CERS6: variants seen among roughly 807,000 people sequenced by gnomAD.
CERS6 encodes the protein LAG1 homolog, ceramide synthase 6.
Under a neutral mutation model 56.8 loss-of-function variants are expected in CERS6, and 26 were observed. That is an observed-to-expected ratio of 0.46 (90% CI 0.34 to 0.63). CERS6 has a LOEUF of 0.63. CERS6 is among the 30% of genes least tolerant of loss of function. CERS6 has a pLI of 0.01. For synonymous variants in CERS6, 164 were observed against 173.3 expected, an observed-to-expected ratio of 0.95 and a Z score of 0.42; for missense variants, 415 against 467.5, an observed-to-expected ratio of 0.89 and a Z score of 1.04.
At chr2:168,665,561 C>G (rs1685736917) in intron 4 of CERS6, among the ~76,000 whole-genome samples, 1 of 152,134 alleles carries the variant, frequency 6.6e-6, no homozygotes, top group East Asian at 1.9e-4. Flanking sequence ...AACCTAATCT[C>G]CCCCTTAACC....
intron 1 of CERS6, among the ~76,000 whole-genome samples, chr2:168,512,657 C>G (rs915609852): frequency 6.8e-6 from 1 of 147,606 alleles, no homozygotes; most frequent in African/African-American, 2.5e-5. Flanking sequence ...TTTTCTACAG[C>G]TATTTTCTTT....
intron 1 of CERS6, among the ~76,000 whole-genome samples, chr2:168,541,182 A>T (rs1695361763): frequency 6.6e-6 from 1 of 152,174 alleles, no homozygotes; most frequent in Non-Finnish European, 1.5e-5. Context: ...CCTGAGGGAC[A>T]GCGTCAATCC....
chr2:168,658,560 C>G (rs73026542), intron 4 of CERS6, among the ~76,000 whole-genome samples: 4,762 of 152,290 alleles, frequency 0.031, 89 homozygotes, highest in South Asian at 0.062. Context: ...TCATCCCCAG[C>G]GTCAGGCGTG....
chr2:168,753,932 G>A (rs1328117223), intron 8 of CERS6, among the ~76,000 whole-genome samples: 1 of 152,018 alleles, frequency 6.6e-6, no homozygotes, highest in Non-Finnish European at 1.5e-5. Flanking sequence ...TGCCGCCCAC[G>A]CCATGCCCAA....
At chr2:168,619,690 A>G (rs1684413602) in intron 3 of CERS6, among the ~76,000 whole-genome samples, 1 of 151,992 alleles carries the variant, frequency 6.6e-6, no homozygotes, top group South Asian at 2.1e-4. Flanking sequence ...TGGCCATAAT[A>G]AAATCAAAAA....
chr2:168,645,142 TAGAGAGAGAG>T (rs35865470), intron 4 of CERS6, among the ~76,000 whole-genome samples: 706 of 12,730 alleles, frequency 0.055, 54 homozygotes, highest in South Asian at 0.17. Context: ...TATATATATA[TAGAGAGAGAG>T]AGAGAGAGAG....
At chr2:168,511,950 G>GCA (rs10568314) in intron 1 of CERS6, among the ~76,000 whole-genome samples, 10,992 of 148,572 alleles carry the variant, frequency 0.074, 440 homozygotes, top group Admixed American at 0.12. Flanking sequence ...GCATGCACGT[G>GCA]CACACACACA....
At chr2:168,565,806 A>G (rs891327318) in intron 3 of CERS6, among the ~76,000 whole-genome samples, 2 of 152,224 alleles carry the variant, frequency 1.3e-5, no homozygotes, top group Non-Finnish European at 2.9e-5. Context: ...AGAAGCATTC[A>G]GATTCTTATT....
chr2:168,711,072 G>C (rs994671447), intron 6 of CERS6, among the ~76,000 whole-genome samples: 1 of 152,172 alleles, frequency 6.6e-6, no homozygotes, highest in Non-Finnish European at 1.5e-5. Context: ...TAAATTATCT[G>C]ACCTCATTTA....
intron 1 of CERS6, among the ~76,000 whole-genome samples, chr2:168,513,955 G>A (rs1026832734): frequency 6.6e-6 from 1 of 152,006 alleles, no homozygotes; most frequent in African/African-American, 2.4e-5. Context: ...CTGCTCCCTA[G>A]GAAGTGTTAT....
chr2:168,769,864 AT>A lies in CERS6; in HGVS notation c.*203del, dbSNP rs1684820289. 1.8e-6 allele frequency: 1 copy of A among 569,658 alleles called. No homozygotes were observed. The highest frequency in any genetic ancestry group is 1.9e-5 in the African/African-American group (1 of 51,872). The allele number at this position is 569,658 out of a possible 1,614,324, so 35.3% of individuals were successfully genotyped here. ...CATTCTCTCTTTGTAGGCATGCTGT[AT>A]GTAATTGACACAAGGGAACAGTATT... On this transcript the variant is annotated 3_prime_UTR_variant, in exon 10 of 10. Transcript: ENST00000305747.
chr2:168,743,156 A>G (rs1007017998), intron 8 of CERS6, among the ~76,000 whole-genome samples: 6 of 151,566 alleles, frequency 4.0e-5, no homozygotes, highest in African/African-American at 1.2e-4. Flanking sequence ...TCATATATAT[A>G]TATATATGTA....
At chr2:168,523,634 A>G (rs2105357823) in intron 1 of CERS6, among the ~76,000 whole-genome samples, 1 of 152,224 alleles carries the variant, frequency 6.6e-6, no homozygotes, top group South Asian at 2.1e-4. Flanking sequence ...AAATGACTAT[A>G]GTGATCTGTG....
chr2:168,775,038 ATAAT>A lies in CERS6; in HGVS notation c.*5379_*5382del, dbSNP rs1684977137. On this transcript the variant is annotated 3_prime_UTR_variant, in exon 10 of 10. Coordinates refer to ENST00000305747, the MANE Select transcript of CERS6 (RefSeq NM_203463.3). ...GTTTTGCTGATTTTTATATGAAAAT[ATAAT>A]TATTCATTCTTGATCTCTGGAAGCA... 3 of 152,372 alleles carry A rather than the reference ATAAT, an allele frequency of 2.0e-5. No homozygotes were observed. Among genetic ancestry groups the A allele is most frequent in the African/African-American group, 4.8e-5 (2 of 41,596 alleles). The allele number at this position is 152,372 out of a possible 1,614,324, so 9.4% of individuals were successfully genotyped here. A position where few individuals can be genotyped will look rare whatever the true frequency, so the allele number is the denominator to read the frequency against.
At chr2:168,525,349 G>A (rs1695052233) in intron 1 of CERS6, among the ~76,000 whole-genome samples, 1 of 152,202 alleles carries the variant, frequency 6.6e-6, no homozygotes, top group African/African-American at 2.4e-5. Context: ...CTGTTGGTCT[G>A]GAGACCACAC....
At chr2:168,536,222 A>T (rs1695261108) in intron 1 of CERS6, among the ~76,000 whole-genome samples, 1 of 152,168 alleles carries the variant, frequency 6.6e-6, no homozygotes, top group Non-Finnish European at 1.5e-5. Context: ...TATATCGTTG[A>T]TATCATAACA....
intron 3 of CERS6, among the ~76,000 whole-genome samples, chr2:168,562,220 C>T (rs921582958): frequency 1.3e-5 from 2 of 152,188 alleles, no homozygotes; most frequent in African/African-American, 4.8e-5. Flanking sequence ...TCAGCTTTGG[C>T]TTTCAATTAT....
chr2:168,720,926 A>G (rs1687348549), intron 8 of CERS6, among the ~76,000 whole-genome samples: 1 of 152,226 alleles, frequency 6.6e-6, no homozygotes, highest in African/African-American at 2.4e-5. Flanking sequence ...TTCCAGAAAT[A>G]CAGTCATGTA....
rs1338967617 is a variant in CERS6, at chr2:168,717,494, G to C, written c.739-378G>C. 2.0e-5 allele frequency among the ~76,000 whole-genome samples: 3 copies of C among 152,286 alleles called. No individual in the cohort carries two copies. In the East Asian group the frequency reaches 5.8e-4, roughly 29 times the overall value. ...AAAGGATTGTCCAGCACTTCTGTTT[G>C]AACTGTTAGGCCAGATTTCTGTTTT... On this transcript the variant is annotated intron_variant, in intron 7 of 9. Coordinates refer to ENST00000305747, the MANE Select transcript of CERS6 (RefSeq NM_203463.3).
Sources: gnomAD v4.1 joint callset for allele counts (sites outside exome capture counted in the v4.1 genomes callset) on GRCh38, gnomAD v4.1.1 for gene constraint, MANE v1.5 for transcripts, NCBI Gene and HGNC (gene_info 2026-07-23, HGNC 2026-07-21) for gene names.